Variants in TLR7 observed in about 807,000 individuals in gnomAD.
The protein encoded by TLR7 is toll like receptor 7.
In TLR7, 12 loss-of-function variants were observed where a neutral mutation model predicts 38.3. That is an observed-to-expected ratio of 0.31 (90% CI 0.20 to 0.51). The LOEUF is 0.51. Ranked by LOEUF, TLR7 falls within the 20% of genes least tolerant of loss-of-function variation. The pLI is 0.98. For missense variants in TLR7, 504 were observed against 743.4 expected, an observed-to-expected ratio of 0.68 and a Z score of 3.74; for synonymous variants, 285 against 293.8, an observed-to-expected ratio of 0.97 and a Z score of 0.31.
intron 2 of TLR7, among the ~76,000 whole-genome samples, chrX:12,871,056 T>G (rs1204218157): frequency 8.9e-6 from 1 of 112,054 alleles, no homozygotes; most frequent in Non-Finnish European, 1.9e-5. Flanking sequence ...ATCCTTTTAT[T>G]CTTTTAGTTT....
chrX:12,873,974 C>G (rs907920981), intron 2 of TLR7, among the ~76,000 whole-genome samples: 1 of 112,166 alleles, frequency 8.9e-6, no homozygotes, highest in African/African-American at 3.2e-5. Context: ...GTAATTCTTC[C>G]TATTCTTACT....
At chrX:12,869,199 T>C (rs5743720) in intron 2 of TLR7, among the ~76,000 whole-genome samples, 4,203 of 111,675 alleles carry the variant, frequency 0.038, 186 homozygotes, top group African/African-American at 0.13. Context: ...GGAAATAGTA[T>C]ATCTTTTCTA....
At chrX:12,875,150 G>C (rs1483222529) in intron 2 of TLR7, among the ~76,000 whole-genome samples, 1 of 111,576 alleles carries the variant, frequency 9.0e-6, no homozygotes, top group African/African-American at 3.3e-5. Context: ...TTTGTTTGAA[G>C]AGTAGGAAAG....
At position 12,886,166 on chromosome X, in the gene TLR7, CCTA is replaced by C. The variant is rs763331359; in HGVS notation, c.661_663del (p.Thr221del). Reference sequence around the variant, plus strand: ...GAAAGATAACAATGTCACAGCCGTCCCTACTGTTTTGCCATCTACTTTAACAGA... The same window carrying C: ...GAAAGATAACAATGTCACAGCCGTCCCTGTTTTGCCATCTACTTTAACAGA... On this transcript the variant is annotated inframe_deletion, in exon 3 of 3. Coordinates refer to ENST00000380659, the MANE Select transcript of TLR7 (RefSeq NM_016562.4). 1.2e-5 allele frequency: 15 copies of C among 1,209,790 alleles called. No homozygotes were observed. Among genetic ancestry groups the C allele is most frequent in the East Asian group, 5.9e-5 (2 of 33,807 alleles).
intron 2 of TLR7, among the ~76,000 whole-genome samples, chrX:12,874,401 T>A (rs2042863780): frequency 8.9e-6 from 1 of 111,744 alleles, no homozygotes; most frequent in African/African-American, 3.3e-5. Context: ...CTAGTTATTT[T>A]TTTCCTCCCT....
Position 12,888,795 on chromosome X carries a change from C to T in TLR7, c.*137C>T, listed in dbSNP as rs1425608047. Reference sequence around the variant, plus strand: ...GATTGCCCATATTTCAGGGGAGCCACCAACGTCTGTCACAGGAGTTGGAAA... The same window carrying T: ...GATTGCCCATATTTCAGGGGAGCCATCAACGTCTGTCACAGGAGTTGGAAA... On this transcript the variant is annotated 3_prime_UTR_variant, in exon 3 of 3. Transcript: ENST00000380659. 1 of 653,587 alleles carries T rather than the reference C, an allele frequency of 1.5e-6. No homozygotes were observed. Among genetic ancestry groups the T allele is most frequent in the Non-Finnish European group, 2.2e-6 (1 of 448,562 alleles). The allele number at this position is 653,587 out of a possible 1,213,427, so 53.9% of individuals were successfully genotyped here. A position where few individuals can be genotyped will look rare whatever the true frequency, so the allele number is the denominator to read the frequency against.
At chrX:12,874,861 T>C (rs781344511) in intron 2 of TLR7, among the ~76,000 whole-genome samples, 2 of 112,206 alleles carry the variant, frequency 1.8e-5, no homozygotes, top group Admixed American at 1.9e-4. Context: ...CATGTCCTTC[T>C]CACTCCTCTG....
rs1355655166 is a variant in TLR7 at position 12,886,850 on chromosome X, G to A, written c.1342G>A (p.Ala448Thr). The A allele has an allele frequency of 1.7e-6, 2 of 1,210,225 alleles. No individual in the cohort carries two copies. The highest frequency in any genetic ancestry group is 4.4e-5 in the Admixed American group (2 of 45,927). Residue 448 changes from alanine (A) to threonine (T), a missense_variant, in exon 3 of 3, where the codon GCC (alanine) becomes ACC (threonine). Transcript: ENST00000380659. ...AAGTGAAGTTGGCTTCTGCTCAAAT[G>A]CCAGAACTTCTGTAGAAAGTTATGA... ...DSSEVGFCSN[A>T]RTSVESYEPQ...
At position 12,886,861 on chromosome X, in the gene TLR7, T is replaced by C; in HGVS notation, c.1353T>C (p.Ser451=). 8.3e-7 allele frequency: 1 copy of C among 1,210,183 alleles called. No homozygotes were observed. Among genetic ancestry groups the C allele is most frequent in the Non-Finnish European group, 1.1e-6 (1 of 894,348 alleles). Residue 451 remains serine (S), a synonymous_variant, in exon 3 of 3, where the codon TCT becomes TCC. Transcript: ENST00000380659. ...EVGFCSNART[S]VESYEPQVLE... ...GCTTCTGCTCAAATGCCAGAACTTC[T>C]GTAGAAAGTTATGAACCCCAGGTCC...
At chrX:12,872,899 C>A (rs757027366) in intron 2 of TLR7, among the ~76,000 whole-genome samples, 2 of 109,598 alleles carry the variant, frequency 1.8e-5, no homozygotes, top group South Asian at 7.9e-4. Flanking sequence ...CAGCATCCTT[C>A]TCAAATGTAA....
At chrX:12,871,448 G>C (rs1451814221) in intron 2 of TLR7, among the ~76,000 whole-genome samples, 1 of 111,757 alleles carries the variant, frequency 8.9e-6, no homozygotes, top group Non-Finnish European at 1.9e-5. Context: ...TTGAGGGCAA[G>C]GTTTCCAGCA....
chrX:12,872,334 C>T (rs1731479), intron 2 of TLR7, among the ~76,000 whole-genome samples: 21,839 of 110,906 alleles, frequency 0.2, 1,690 homozygotes, highest in Middle Eastern at 0.32. Flanking sequence ...GGCAGTCAGG[C>T]GGTGACTGCG....
intron 2 of TLR7, among the ~76,000 whole-genome samples, chrX:12,879,741 A>T (rs778367211): frequency 8.9e-6 from 1 of 111,971 alleles, no homozygotes; most frequent in East Asian, 2.8e-4. Context: ...ACTGGCTATC[A>T]CTTAGTCATA....
chrX:12,878,383 A>G (rs1231711188), intron 2 of TLR7, among the ~76,000 whole-genome samples: 1 of 111,670 alleles, frequency 9.0e-6, no homozygotes, highest in Admixed American at 9.5e-5. Context: ...GGGTTTTACT[A>G]TTCTAATTAG....
intron 2 of TLR7, among the ~76,000 whole-genome samples, chrX:12,877,987 A>C (rs758753641): frequency 8.9e-6 from 1 of 112,091 alleles, no homozygotes; most frequent in Admixed American, 9.5e-5. Context: ...GGGCATCCTA[A>C]TGATGGAGTA....
chrX:12,872,125 T>C (rs5743735), intron 2 of TLR7, among the ~76,000 whole-genome samples: 1,254 of 111,654 alleles, frequency 0.011, 22 homozygotes, highest in African/African-American at 0.039. Flanking sequence ...CTCCTCTTTC[T>C]CCTCCTTGTG....
chrX:12,888,772 T>C lies in TLR7; in HGVS notation c.*114T>C. On this transcript the variant is annotated 3_prime_UTR_variant, in exon 3 of 3. Coordinates refer to ENST00000380659, the MANE Select transcript of TLR7 (RefSeq NM_016562.4). ...TTTTGAAATTCTTCAAGAAATGAGA[T>C]TGCCCATATTTCAGGGGAGCCACCA... The C allele has an allele frequency of 6.7e-6, 6 of 898,863 alleles. No homozygotes were observed. Among genetic ancestry groups the C allele is most frequent in the Non-Finnish European group, 9.1e-6 (6 of 660,956 alleles). 74.1% of individuals were successfully genotyped at this position (898,863 alleles called of 1,213,427 possible).
chrX:12,884,416 A>G (rs2042903018), intron 2 of TLR7, among the ~76,000 whole-genome samples: 1 of 112,245 alleles, frequency 8.9e-6, no homozygotes, highest in African/African-American at 3.2e-5. Flanking sequence ...ACTAAACTAA[A>G]ACCAGTGTTC....
At position 12,887,200 on chromosome X, in the gene TLR7, G is replaced by A. The variant is rs199950556; in HGVS notation, c.1692G>A (p.Glu564=). The A allele has an allele frequency of 1.7e-5, 20 of 1,211,616 alleles. No individual in the cohort carries two copies. The highest frequency in any genetic ancestry group is 2.2e-5 in the Non-Finnish European group (20 of 895,457). Reference sequence around the variant, plus strand: ...TACTCCATTCAACAGCATTTGAAGAGCTTCACAAACTGGAAGTTCTGGATA... The same window carrying A: ...TACTCCATTCAACAGCATTTGAAGAACTTCACAAACTGGAAGTTCTGGATA... ...LDLLHSTAFE[E]LHKLEVLDIS... The change falls in exon 3 of 3, where the codon GAG becomes GAA. Residue 564 remains glutamate (E), a synonymous_variant. Transcript: ENST00000380659.
Sources: allele counts gnomAD v4.1 joint callset (sites outside exome capture counted in the v4.1 genomes callset), GRCh38; gene constraint gnomAD v4.1.1; transcripts MANE v1.5; gene names NCBI Gene and HGNC (gene_info 2026-07-23, HGNC 2026-07-21).